The following SGCZ variants were observed in gnomAD, a reference collection of about 807,000 sequenced individuals.
The protein encoded by SGCZ is zeta-sarcoglycan.
Under a neutral mutation model 41.3 loss-of-function variants are expected in SGCZ, and 40 were observed. That is an observed-to-expected ratio of 0.97 (90% CI 0.75 to 1.26). The LOEUF is 1.26. Ranked by LOEUF, SGCZ falls within the 50% of genes most tolerant of loss-of-function variation. The pLI, the probability that SGCZ is intolerant of heterozygous loss-of-function variation, is 0.00. For missense variants in SGCZ, 552 were observed against 369.8 expected (o/e 1.49, Z -4.04); for synonymous variants, 206 against 137.5 (o/e 1.50, Z -3.49).
intron 1 of SGCZ, among the ~76,000 whole-genome samples, chr8:14,999,196 A>G (rs1802321590): frequency 1.3e-5 from 2 of 152,184 alleles, no homozygotes; most frequent in Admixed American, 1.3e-4. Flanking sequence ...TCACTTATCT[A>G]ATACATGGGG....
intron 2 of SGCZ, among the ~76,000 whole-genome samples, chr8:14,350,676 T>C (rs1174296323): frequency 1.3e-5 from 2 of 152,058 alleles, no homozygotes; most frequent in Non-Finnish European, 2.9e-5. Context: ...GAGGTCTTTG[T>C]GGAATTGCAT....
At chr8:14,397,927 T>A (rs1798965250) in intron 2 of SGCZ, among the ~76,000 whole-genome samples, 1 of 152,260 alleles carries the variant, frequency 6.6e-6, no homozygotes, top group African/African-American at 2.4e-5. Context: ...CCCTGAGCCC[T>A]GCTCTCTGAT....
At chr8:14,378,944 T>C (rs900185174) in intron 2 of SGCZ, among the ~76,000 whole-genome samples, 1 of 152,184 alleles carries the variant, frequency 6.6e-6, no homozygotes, top group Non-Finnish European at 1.5e-5. Context: ...ATTGCTTCTT[T>C]AGAAAAGTTA....
At chr8:14,900,267 C>T (rs1004099724) in intron 1 of SGCZ, among the ~76,000 whole-genome samples, 1 of 152,076 alleles carries the variant, frequency 6.6e-6, no homozygotes, top group African/African-American at 2.4e-5. Context: ...GCAAAAAGTA[C>T]TGTCAGAATG....
At chr8:14,900,466 C>T (rs571784404) in intron 1 of SGCZ, among the ~76,000 whole-genome samples, 3 of 152,184 alleles carry the variant, frequency 2.0e-5, no homozygotes, top group African/African-American at 7.2e-5. Context: ...GCACAGAAAT[C>T]AACCAACGAA....
chr8:14,704,486 T>C (rs1279356658), intron 1 of SGCZ, among the ~76,000 whole-genome samples: 2 of 152,038 alleles, frequency 1.3e-5, no homozygotes, highest in Non-Finnish European at 2.9e-5. Context: ...AGATACCTTA[T>C]TAATTCACCT....
At chr8:14,728,483 C>G (rs934205163) in intron 1 of SGCZ, among the ~76,000 whole-genome samples, 3 of 150,900 alleles carry the variant, frequency 2.0e-5, no homozygotes, top group African/African-American at 7.3e-5. Context: ...TTTGAAAAGA[C>G]TTATTAACCA....
chr8:14,809,362 G>C (rs1260431476), intron 1 of SGCZ, among the ~76,000 whole-genome samples: 1 of 152,200 alleles, frequency 6.6e-6, no homozygotes, highest in African/African-American at 2.4e-5. Flanking sequence ...ACTTTGTTTT[G>C]CTGGCACTAA....
chr8:14,440,789 A>G (rs1800235870), intron 2 of SGCZ, among the ~76,000 whole-genome samples: 1 of 150,180 alleles, frequency 6.7e-6, no homozygotes, highest in African/African-American at 2.4e-5. Context: ...ACATACGTAT[A>G]CACGTATATG....
At chr8:14,617,597 AC>A (rs1412059612) in intron 1 of SGCZ, among the ~76,000 whole-genome samples, 1 of 152,226 alleles carries the variant, frequency 6.6e-6, no homozygotes. Flanking sequence ...AACCATAAAT[AC>A]ACTTGAAATT....
chr8:14,613,182 C>A (rs1170461066), intron 1 of SGCZ, among the ~76,000 whole-genome samples: 1 of 151,680 alleles, frequency 6.6e-6, no homozygotes, highest in Admixed American at 6.6e-5. Flanking sequence ...CCTTGGAGGA[C>A]CTAAATGAGA....
At chr8:14,189,566 T>A (rs536099730) in intron 4 of SGCZ, among the ~76,000 whole-genome samples, 2 of 152,314 alleles carry the variant, frequency 1.3e-5, no homozygotes, top group Admixed American at 1.3e-4. Context: ...CTTCGTGTGC[T>A]TTGCTCATTG....
chr8:14,875,842 T>C (rs758303396), intron 1 of SGCZ, among the ~76,000 whole-genome samples: 5 of 152,102 alleles, frequency 3.3e-5, no homozygotes, highest in African/African-American at 4.8e-5. Flanking sequence ...GGCCACAATT[T>C]AGTTGGTTGA....
intron 1 of SGCZ, among the ~76,000 whole-genome samples, chr8:14,645,482 A>ATG (rs137996503): frequency 3.7e-5 from 4 of 106,988 alleles, no homozygotes; most frequent in South Asian, 3.1e-4. Flanking sequence ...ATATATTTAT[A>ATG]TGTATATATA....
chr8:14,219,886 G>A (rs1016855429), intron 4 of SGCZ, among the ~76,000 whole-genome samples: 2 of 152,054 alleles, frequency 1.3e-5, no homozygotes, highest in Non-Finnish European at 2.9e-5. Context: ...ACAACCAGTA[G>A]GATGCAGAAA....
chr8:14,964,440 A>AT (rs1011594761), intron 1 of SGCZ, among the ~76,000 whole-genome samples: 2 of 152,144 alleles, frequency 1.3e-5, no homozygotes, highest in Admixed American at 1.3e-4. Flanking sequence ...AGAGCTTCAA[A>AT]TTTTTTGGAG....
chr8:14,190,623 G>A (rs1359260781), intron 4 of SGCZ, among the ~76,000 whole-genome samples: 2 of 151,740 alleles, frequency 1.3e-5, no homozygotes. Flanking sequence ...GTTTTTTTGA[G>A]ATGGAGTCTC....
intron 7 of SGCZ, among the ~76,000 whole-genome samples, chr8:14,090,843 G>A (rs762612989): frequency 1.4e-4 from 21 of 151,966 alleles, no homozygotes; most frequent in Non-Finnish European, 2.8e-4. Flanking sequence ...GGGAGATGGT[G>A]CATTCTGACA....
chr8:14,813,232 A>G (rs955573424), intron 1 of SGCZ, among the ~76,000 whole-genome samples: 1 of 152,196 alleles, frequency 6.6e-6, no homozygotes, highest in Non-Finnish European at 1.5e-5. Context: ...CATCTTTGGA[A>G]GAGTTTCTCC....
Sources: allele counts gnomAD v4.1 joint callset (sites outside exome capture counted in the v4.1 genomes callset), GRCh38; gene constraint gnomAD v4.1.1; transcripts MANE v1.5; gene names NCBI Gene and HGNC (gene_info 2026-07-23, HGNC 2026-07-21).